The following RRAS2 variants were observed in gnomAD, a reference collection of about 807,000 sequenced individuals.
RRAS2 encodes ras-related protein R-Ras2.
RRAS2 carries 7 observed loss-of-function variants against 27.6 expected under a neutral mutation model. That is an observed-to-expected ratio of 0.25 (90% CI 0.14 to 0.48). The LOEUF is 0.48. Ranked by LOEUF, RRAS2 falls within the 20% of genes least tolerant of loss-of-function variation. The probability of loss-of-function intolerance (pLI) is 0.99; values close to 1 mark genes in which losing one functional copy is unlikely to be tolerated. For synonymous variants in RRAS2, 86 were observed against 90.9 expected (o/e 0.95, Z 0.31); for missense variants, 178 against 256.2 (o/e 0.69, Z 2.08).
At chr11:14,305,230 G>A (rs1158492580) in intron 1 of RRAS2, among the ~76,000 whole-genome samples, 9 of 152,212 alleles carry the variant, frequency 5.9e-5, no homozygotes, top group Non-Finnish European at 1.2e-4. Context: ...TGTGCCAGCA[G>A]AAAGTACAGT....
At chr11:14,351,746 T>A (rs559645383) in intron 1 of RRAS2, among the ~76,000 whole-genome samples, 11 of 112,270 alleles carry the variant, frequency 9.8e-5, no homozygotes, top group Admixed American at 7.7e-4. Flanking sequence ...AAAAAAAAAA[T>A]TAGCCAGGTG....
chr11:14,321,388 A>G (rs1848219789), intron 1 of RRAS2, among the ~76,000 whole-genome samples: 1 of 152,062 alleles, frequency 6.6e-6, no homozygotes, highest in Non-Finnish European at 1.5e-5. Flanking sequence ...CATTCTTTAT[A>G]CTCACTTAAA....
At chr11:14,337,532 A>ATTTCT (rs1564978046) in intron 1 of RRAS2, among the ~76,000 whole-genome samples, 1 of 152,242 alleles carries the variant, frequency 6.6e-6, no homozygotes, top group African/African-American at 2.4e-5. Flanking sequence ...AGAATATAGA[A>ATTTCT]CAAAAAGATA....
intron 1 of RRAS2, among the ~76,000 whole-genome samples, chr11:14,351,832 T>C (rs1423583902): frequency 6.7e-6 from 1 of 149,256 alleles, no homozygotes; most frequent in Non-Finnish European, 1.5e-5. Flanking sequence ...GAGGCGGAGG[T>C]TGCAATGAGC....
intron 1 of RRAS2, among the ~76,000 whole-genome samples, chr11:14,348,294 T>C (rs1349765406): frequency 6.6e-6 from 1 of 152,244 alleles, no homozygotes; most frequent in East Asian, 1.9e-4. Context: ...CCTGTAAAGT[T>C]GTTATTTTCC....
intron 1 of RRAS2, among the ~76,000 whole-genome samples, chr11:14,325,167 T>C (rs551192429): frequency 6.6e-6 from 1 of 152,206 alleles, no homozygotes; most frequent in African/African-American, 2.4e-5. Flanking sequence ...AAACTTACCC[T>C]GATGTGAAGC....
chr11:14,307,216 A>C (rs1424415099), intron 1 of RRAS2, among the ~76,000 whole-genome samples: 1 of 142,138 alleles, frequency 7.0e-6, no homozygotes, highest in Non-Finnish European at 1.5e-5. Context: ...AAAACAAAAA[A>C]AAACAAAAAA....
At chr11:14,349,842 G>A (rs185557151) in intron 1 of RRAS2, among the ~76,000 whole-genome samples, 5 of 152,122 alleles carry the variant, frequency 3.3e-5, no homozygotes, top group South Asian at 2.1e-4. Context: ...TTTGAAATAC[G>A]GTTCAGTTCA....
At position 14,278,516 on chromosome 11, in the gene RRAS2, C is replaced by T. The variant is rs1554943797; in HGVS notation, c.*821G>A. On this transcript the variant is annotated 3_prime_UTR_variant, in exon 6 of 6. Transcript: ENST00000256196. ...TAATCATCTCTGACCCTGGAAAGATCAATTCCATATTTTATATTACAAACA... is the reference window on the plus strand; with the variant it reads ...TAATCATCTCTGACCCTGGAAAGATTAATTCCATATTTTATATTACAAACA... 1 of 152,210 alleles carries T rather than the reference C, an allele frequency of 6.6e-6. No homozygotes were observed. Among genetic ancestry groups the T allele is most frequent in the African/African-American group, 2.4e-5 (1 of 41,454 alleles). The allele number at this position is 152,210 out of a possible 1,614,324, so 9.4% of individuals were successfully genotyped here. A position where few individuals can be genotyped will look rare whatever the true frequency, so the allele number is the denominator to read the frequency against.
intron 1 of RRAS2, among the ~76,000 whole-genome samples, chr11:14,352,990 G>C (rs1302468674): frequency 6.6e-6 from 1 of 151,794 alleles, no homozygotes; most frequent in Non-Finnish European, 1.5e-5. Context: ...GTAGAGACAG[G>C]GTTTCACCAT....
chr11:14,349,402 T>C (rs1228663877), intron 1 of RRAS2, among the ~76,000 whole-genome samples: 2 of 151,684 alleles, frequency 1.3e-5, no homozygotes, highest in African/African-American at 4.8e-5. Context: ...GACCTCGTGA[T>C]ACACCCGCCT....
At chr11:14,340,096 C>G (rs1162545400) in intron 1 of RRAS2, among the ~76,000 whole-genome samples, 8 of 137,504 alleles carry the variant, frequency 5.8e-5, no homozygotes, top group African/African-American at 1.8e-4. Flanking sequence ...CGCCACTACA[C>G]TCCAGCCTGG....
In RRAS2 at chr11:14,358,766, G is replaced by A. The variant is rs1375684138; in HGVS notation, c.105C>T (p.Ile35=). The A allele has an allele frequency of 4.2e-6, 6 of 1,439,540 alleles. No individual in the cohort carries two copies. Among genetic ancestry groups the A allele is most frequent in the Non-Finnish European group, 5.5e-6 (6 of 1,084,890 alleles). The allele number at this position is 1,439,540 out of a possible 1,614,324, so 89.2% of individuals were successfully genotyped here. A position where few individuals can be genotyped will look rare whatever the true frequency, so the allele number is the denominator to read the frequency against. The part of the protein sequence containing the change: ...VGKSALTIQF[I]QSYFVTDYDP... ...CGGGCAGGCCCGCTCCAGGTACCTGGATGAACTGGATGGTGAGCGCCGACT... is the reference window on the plus strand; with the variant it reads ...CGGGCAGGCCCGCTCCAGGTACCTGAATGAACTGGATGGTGAGCGCCGACT... Residue 35 remains isoleucine (I), a synonymous_variant, in exon 1 of 6, where the codon ATC becomes ATT. Coordinates refer to ENST00000256196, the MANE Select transcript of RRAS2 (RefSeq NM_012250.6). The surrounding 1 kb of genome is among the most constrained non-coding windows in gnomAD (Gnocchi z 5.1).
intron 1 of RRAS2, among the ~76,000 whole-genome samples, chr11:14,309,106 G>A (rs763219313): frequency 5.3e-5 from 8 of 152,118 alleles, no homozygotes; most frequent in Non-Finnish European, 1.0e-4. Context: ...CTCACTTCTA[G>A]TTGTAACTTT....
Position 14,278,213 on chromosome 11 carries a change from T to C in RRAS2, c.*1124A>G, listed in dbSNP as rs181091124. 6.6e-6 allele frequency: 1 copy of C among 152,354 alleles called. No individual in the cohort carries two copies. The highest frequency in any genetic ancestry group is 2.4e-5 in the African/African-American group (1 of 41,590). The allele number at this position is 152,354 out of a possible 1,614,324, so 9.4% of individuals were successfully genotyped here. A position where few individuals can be genotyped will look rare whatever the true frequency, so the allele number is the denominator to read the frequency against. On this transcript the variant is annotated 3_prime_UTR_variant, in exon 6 of 6. Coordinates refer to ENST00000256196, the MANE Select transcript of RRAS2 (RefSeq NM_012250.6). ...TACTGAAAGTGATTTCAGAGTCTCA[T>C]CCTGTTGTACTCTATTGGGAAGGTT...
At chr11:14,328,366 CA>C (rs71041596) in intron 1 of RRAS2, among the ~76,000 whole-genome samples, 29,734 of 67,068 alleles carry the variant, frequency 0.44, 3,288 homozygotes, top group Admixed American at 0.51. Flanking sequence ...AACTCCAACT[CA>C]AAAAAAAAAA....
chr11:14,321,697 C>T (rs1848226864), intron 1 of RRAS2, among the ~76,000 whole-genome samples: 1 of 152,166 alleles, frequency 6.6e-6, no homozygotes, highest in African/African-American at 2.4e-5. Flanking sequence ...GAAAGTCTGA[C>T]CCATTTCTGA....
intron 1 of RRAS2, among the ~76,000 whole-genome samples, chr11:14,342,897 T>C (rs1396669644): frequency 1.3e-5 from 2 of 152,204 alleles, no homozygotes; most frequent in African/African-American, 4.8e-5. Context: ...ATAATTCATT[T>C]TGGCACTACT....
chr11:14,339,924 G>A (rs1161478594), intron 1 of RRAS2, among the ~76,000 whole-genome samples: 1 of 151,648 alleles, frequency 6.6e-6, no homozygotes, highest in Non-Finnish European at 1.5e-5. Flanking sequence ...GACCAGCCTG[G>A]GCAATATGGA....
Sources: allele counts gnomAD v4.1 joint callset (sites outside exome capture counted in the v4.1 genomes callset), GRCh38; gene constraint gnomAD v4.1.1; non-coding constraint Gnocchi (gnomAD v3.1); transcripts MANE v1.5; gene names NCBI Gene and HGNC (gene_info 2026-07-23, HGNC 2026-07-21).